The following IQSEC1 variants were observed in gnomAD, a reference collection of about 807,000 sequenced individuals.
IQSEC1 encodes the protein IQ motif and SEC7 domain-containing protein 1.
IQSEC1 carries 31 observed loss-of-function variants against 91.0 expected under a neutral mutation model. The observed-to-expected ratio is 0.34, with a 90% CI of 0.26 to 0.46. The LOEUF is 0.46. Ranked by LOEUF, IQSEC1 falls within the 20% of genes least tolerant of loss-of-function variation. IQSEC1 has a pLI of 1.00. For synonymous variants in IQSEC1, 699 were observed against 662.6 expected, an observed-to-expected ratio of 1.05 and a Z score of -0.84; for missense variants, 1,388 against 1,575.6, an observed-to-expected ratio of 0.88 and a Z score of 2.02.
intron 1 of IQSEC1, among the ~76,000 whole-genome samples, chr3:13,021,645 G>C (rs1173165791): frequency 6.6e-6 from 1 of 152,208 alleles, no homozygotes; most frequent in African/African-American, 2.4e-5. Context: ...ACGGTCACAC[G>C]AAGGAATCAC....
chr3:13,036,461 T>G (rs1282941567), intron 1 of IQSEC1, among the ~76,000 whole-genome samples: 2 of 152,160 alleles, frequency 1.3e-5, no homozygotes, highest in African/African-American at 4.8e-5. Context: ...AAATAATTTT[T>G]TTTAAAAAGA....
At chr3:13,013,320 G>C (rs1451286107) in intron 1 of IQSEC1, among the ~76,000 whole-genome samples, 4 of 152,204 alleles carry the variant, frequency 2.6e-5, no homozygotes, top group Non-Finnish European at 5.9e-5. Flanking sequence ...TACCCACTCT[G>C]CCGGCGGAGT....
intron 1 of IQSEC1, among the ~76,000 whole-genome samples, chr3:13,281,610 G>GC (rs932176453): frequency 2.5e-4 from 38 of 152,268 alleles, no homozygotes; most frequent in Non-Finnish European, 5.0e-4. Flanking sequence ...AGTCGCTGCA[G>GC]CCCCCCTGGG....
rs928392263 is a variant in IQSEC1 at position 12,897,615 on chromosome 3, C to T, written c.*3368G>A. ...GCTCAGTGTTGCAATGCTGCCTTGA[C>T]TATTGTTGTTACATAAAATACAAAT... On this transcript the variant is annotated 3_prime_UTR_variant, in exon 14 of 14. Coordinates refer to ENST00000613206, the MANE Select transcript of IQSEC1 (RefSeq NM_001134382.3). 1.3e-5 allele frequency: 2 copies of T among 152,086 alleles called. No individual in the cohort carries two copies. Among genetic ancestry groups the T allele is most frequent in the African/African-American group, 2.4e-5 (1 of 41,318 alleles). The allele number at this position is 152,086 out of a possible 1,614,324, so 9.4% of individuals were successfully genotyped here.
Position 12,979,687 on chromosome 3 carries a change from A to G in IQSEC1, c.24-37822T>C, listed in dbSNP as rs141381063. 6.6e-6 allele frequency among the ~76,000 whole-genome samples: 1 copy of G among 152,316 alleles called. No individual in the cohort carries two copies. Among genetic ancestry groups the G allele is most frequent in the African/African-American group, 2.4e-5 (1 of 41,570 alleles). ...AAGCCTTTGTGGGTGATAAAGAGAC[A>G]TTAAAGGTCTGTCAGCATGCCGACC... On this transcript the variant is annotated intron_variant, in intron 1 of 13. Transcript: ENST00000613206. The surrounding 1 kb of genome is among the most constrained non-coding windows in gnomAD (Gnocchi z 4.3).
chr3:12,897,980 T>C lies in IQSEC1; in HGVS notation c.*3003A>G, dbSNP rs1477824210. On this transcript the variant is annotated 3_prime_UTR_variant, in exon 14 of 14. Transcript: ENST00000613206. Reference sequence around the variant, plus strand: ...TTGATTGTTGTCCCAGAAAAGACTTTTGTCACATTGCCAGCTGTTTCCCTC... The same window carrying C: ...TTGATTGTTGTCCCAGAAAAGACTTCTGTCACATTGCCAGCTGTTTCCCTC... The C allele has an allele frequency of 6.6e-6, 1 of 152,284 alleles. No homozygotes were observed. The highest frequency in any genetic ancestry group is 1.5e-5 in the Non-Finnish European group (1 of 68,060). The allele number at this position is 152,284 out of a possible 1,614,324, so 9.4% of individuals were successfully genotyped here. A position where few individuals can be genotyped will look rare whatever the true frequency, so the allele number is the denominator to read the frequency against.
At chr3:13,047,996 G>A (rs911620926) in intron 1 of IQSEC1, among the ~76,000 whole-genome samples, 5 of 152,188 alleles carry the variant, frequency 3.3e-5, no homozygotes, top group African/African-American at 4.8e-5. Context: ...CCAGAGACTC[G>A]GCGTCCAGCT....
chr3:13,012,423 G>A (rs1416368774), intron 1 of IQSEC1, among the ~76,000 whole-genome samples: 1 of 152,130 alleles, frequency 6.6e-6, no homozygotes, highest in Non-Finnish European at 1.5e-5. Flanking sequence ...GCTCCCACAG[G>A]CCTCAGAGCT....
Position 13,155,767 on chromosome 3 carries a change from C to G in IQSEC1, c.302+8337G>C, listed in dbSNP as rs534406883. On this transcript the variant is annotated intron_variant, in intron 2 of 15. Transcript: ENST00000648114. ...GTAGCCCAATAAAAGAATTCTGCAGCATGACTAAGTGGAATTTATTCCTGG... is the reference window on the plus strand; with the variant it reads ...GTAGCCCAATAAAAGAATTCTGCAGGATGACTAAGTGGAATTTATTCCTGG... 2.1e-4 allele frequency among the ~76,000 whole-genome samples: 32 copies of G among 152,220 alleles called. 1 individual carries two copies. The South Asian group carries it at 5.0e-3, about 24-fold the overall frequency.
At chr3:13,190,311 C>T (rs185008727) in intron 1 of IQSEC1, among the ~76,000 whole-genome samples, 8 of 152,312 alleles carry the variant, frequency 5.3e-5, no homozygotes, top group African/African-American at 1.2e-4. Flanking sequence ...CTGGCTCACG[C>T]CCGAAATCCC....
At chr3:13,093,818 C>T (rs1190590796) in intron 2 of IQSEC1, among the ~76,000 whole-genome samples, 3 of 152,190 alleles carry the variant, frequency 2.0e-5, no homozygotes, top group Non-Finnish European at 4.4e-5. Context: ...CGCTAGGTCT[C>T]CCCCTGTCCG....
chr3:13,219,619 G>T (rs1354706894), intron 1 of IQSEC1, among the ~76,000 whole-genome samples: 1 of 152,272 alleles, frequency 6.6e-6, no homozygotes, highest in Non-Finnish European at 1.5e-5. Context: ...GATGCATTAG[G>T]ATGTTAAATA....
chr3:13,238,249 C>T (rs1694965973), intron 1 of IQSEC1, among the ~76,000 whole-genome samples: 1 of 152,212 alleles, frequency 6.6e-6, no homozygotes, highest in Non-Finnish European at 1.5e-5. Flanking sequence ...CATGCAGGAC[C>T]CTGTCACTCC....
intron 1 of IQSEC1, among the ~76,000 whole-genome samples, chr3:13,196,238 A>T (rs1251012322): frequency 6.6e-6 from 1 of 152,150 alleles, no homozygotes; most frequent in African/African-American, 2.4e-5. Context: ...GCCAACATCG[A>T]CCGAGACACG....
Position 12,898,576 on chromosome 3 carries a change from G to C in IQSEC1, c.*2407C>G, listed in dbSNP as rs1347499170. Reference sequence around the variant, plus strand: ...AAGCCCCTCCTGGGGTTTTCTGTCTGTTCCTATTCATTACTGCTACCCTTC... The same window carrying C: ...AAGCCCCTCCTGGGGTTTTCTGTCTCTTCCTATTCATTACTGCTACCCTTC... On this transcript the variant is annotated 3_prime_UTR_variant, in exon 14 of 14. Transcript: ENST00000613206. 1.3e-5 allele frequency: 2 copies of C among 152,166 alleles called. No homozygotes were observed. Among genetic ancestry groups the C allele is most frequent in the African/African-American group, 4.8e-5 (2 of 41,446 alleles). 9.4% of individuals were successfully genotyped at this position (152,166 alleles called of 1,614,324 possible).
At position 13,103,962 on chromosome 3, in the gene IQSEC1, G is replaced by C. The variant is rs927737777; in HGVS notation, c.303-56440C>G. 7.9e-5 allele frequency among the ~76,000 whole-genome samples: 12 copies of C among 152,170 alleles called. No homozygotes were observed. Among genetic ancestry groups the C allele is most frequent in the African/African-American group, 2.9e-4 (12 of 41,430 alleles). ...GCACTCCCTGAGGTGGGTGCTACTA[G>C]TATCTTCATTTTATAGATGGGAAAA... On this transcript the variant is annotated intron_variant, in intron 2 of 15. Coordinates refer to the IQSEC1 transcript ENST00000648114. The surrounding 1 kb of genome is among the most constrained non-coding windows in gnomAD (Gnocchi z 4.1).
chr3:13,138,267 C>T (rs575229389), intron 2 of IQSEC1, among the ~76,000 whole-genome samples: 1 of 151,994 alleles, frequency 6.6e-6, no homozygotes, highest in African/African-American at 2.4e-5. Flanking sequence ...AGACAAGGCA[C>T]TCTAAATGAA....
At position 13,154,669 on chromosome 3, in the gene IQSEC1, C is replaced by T. The variant is rs147635730; in HGVS notation, c.302+9435G>A. On this transcript the variant is annotated intron_variant, in intron 2 of 15. Transcript: ENST00000648114. ...TAACAGGACACTCCACTCAACAGAA[C>T]GCAGAGTCCTCTAGTGGATGTGGAC... Among the ~76,000 whole-genome samples the T allele has an allele frequency of 5.3e-5, 8 of 150,698 alleles. No homozygotes were observed. The East Asian group carries it at 1.2e-3, about 22-fold the overall frequency.
At chr3:13,213,959 T>A (rs186855292) in intron 1 of IQSEC1, among the ~76,000 whole-genome samples, 3 of 152,124 alleles carry the variant, frequency 2.0e-5, no homozygotes, top group Non-Finnish European at 4.4e-5. Context: ...AGAAGTCCCA[T>A]CTAGGGCCCT....
Sources: gnomAD v4.1 joint callset for allele counts (sites outside exome capture counted in the v4.1 genomes callset) on GRCh38, gnomAD v4.1.1 for gene constraint, Gnocchi (gnomAD v3.1) non-coding constraint, MANE v1.5 for transcripts, NCBI Gene and HGNC (gene_info 2026-07-23, HGNC 2026-07-21) for gene names.